RAB3B: variants seen among roughly 807,000 people sequenced by gnomAD.
The protein encoded by RAB3B is RAB3B, member RAS oncogene family.
RAB3B carries 11 observed loss-of-function variants against 20.5 expected under a neutral mutation model. The ratio of observed to expected loss-of-function variants is 0.54; its 90% confidence interval spans 0.34 to 0.89. The LOEUF is 0.89. Among genes scored for constraint, RAB3B ranks in the 40% least tolerant of loss-of-function variants. The pLI is 0.02. For missense variants in RAB3B, 225 were observed against 280.9 expected (o/e 0.80, Z 1.42); for synonymous variants, 99 against 106.3 (o/e 0.93, Z 0.42).
At chr1:51,937,156 G>A (rs1684415991) in intron 3 of RAB3B, 138 bp downstream of exon 3, 1 of 611,600 alleles carries the variant, frequency 1.6e-6, no homozygotes, top group South Asian at 1.9e-5. Context: ...TCTGTCTTCT[G>A]CTCTCGTCTG....
intron 2 of RAB3B, among the ~76,000 whole-genome samples, chr1:51,965,097 TAATCCCA>T (rs1684830635): frequency 6.6e-6 from 1 of 151,748 alleles, no homozygotes; most frequent in Admixed American, 6.6e-5. Flanking sequence ...CACACACTTG[TAATCCCA>T]GCCACTCAGG....
chr1:51,974,898 G>T (rs369959729), intron 2 of RAB3B, among the ~76,000 whole-genome samples: 3 of 152,182 alleles, frequency 2.0e-5, no homozygotes, highest in African/African-American at 7.2e-5. Flanking sequence ...CATTTAACAC[G>T]CAGAATAGAA....
chr1:51,949,174 T>C (rs1480068223), intron 2 of RAB3B, among the ~76,000 whole-genome samples: 1 of 152,256 alleles, frequency 6.6e-6, no homozygotes, highest in Admixed American at 6.5e-5. Flanking sequence ...TTGCCTTAAC[T>C]ACTTGTGGTT....
chr1:51,912,557 AT>A lies in RAB3B; in HGVS notation c.*7369del, dbSNP rs55723213. On this transcript the variant is annotated 3_prime_UTR_variant, in exon 5 of 5. Coordinates refer to ENST00000371655, the MANE Select transcript of RAB3B (RefSeq NM_002867.4). Reference sequence around the variant, plus strand: ...CCGTCTCTATTAAAAAAAAAAAAATATATATATATATATATATATATATATA... The same window carrying A: ...CCGTCTCTATTAAAAAAAAAAAAATAATATATATATATATATATATATATA... 3 of 21,618 alleles carry A rather than the reference AT, an allele frequency of 1.4e-4. No individual in the cohort carries two copies. The highest frequency in any genetic ancestry group is 6.3e-4 in the African/African-American group (3 of 4,738). 1.3% of individuals were successfully genotyped at this position (21,618 alleles called of 1,614,324 possible). A position where few individuals can be genotyped will look rare whatever the true frequency, so the allele number is the denominator to read the frequency against.
intron 3 of RAB3B, among the ~76,000 whole-genome samples, chr1:51,936,558 C>A (rs951226846): frequency 3.9e-5 from 6 of 152,188 alleles, no homozygotes; most frequent in Middle Eastern, 3.2e-3. Flanking sequence ...CACACAAAAC[C>A]CTTCATGACC....
chr1:51,956,291 A>G (rs1684705869), intron 2 of RAB3B, among the ~76,000 whole-genome samples: 5 of 152,192 alleles, frequency 3.3e-5, no homozygotes, highest in Admixed American at 2.0e-4. Context: ...GTTAACACGA[A>G]TTGAGTACTT....
chr1:51,982,583 T>A (rs1260247120), intron 1 of RAB3B, among the ~76,000 whole-genome samples: 1 of 151,954 alleles, frequency 6.6e-6, no homozygotes, highest in Non-Finnish European at 1.5e-5. Flanking sequence ...TGAAACCTCA[T>A]CTCTACTAAA....
chr1:51,980,473 A>G (rs1685072610), intron 1 of RAB3B: 1 of 662,924 alleles, frequency 1.5e-6, no homozygotes, highest in Non-Finnish European at 2.8e-6. Context: ...TGCCTCCAAG[A>G]TGACAAAGAA....
intron 2 of RAB3B, among the ~76,000 whole-genome samples, chr1:51,953,801 A>G (rs1444744649): frequency 6.6e-6 from 1 of 152,252 alleles, no homozygotes; most frequent in African/African-American, 2.4e-5. Context: ...ACTCCATCTT[A>G]AAAACAAAAA....
intron 2 of RAB3B, among the ~76,000 whole-genome samples, chr1:51,938,736 A>G (rs2124258430): frequency 1.4e-5 from 2 of 145,764 alleles, no homozygotes; most frequent in Middle Eastern, 3.8e-3. Context: ...AGTGCAGTGG[A>G]GCAATCTTGG....
At chr1:51,978,653 G>C (rs974292259) in intron 1 of RAB3B, among the ~76,000 whole-genome samples, 2 of 152,184 alleles carry the variant, frequency 1.3e-5, no homozygotes, top group Non-Finnish European at 2.9e-5. Flanking sequence ...CAGGTACCCT[G>C]CTTCTCCACC....
chr1:51,949,029 C>G (rs1394581903), intron 2 of RAB3B, among the ~76,000 whole-genome samples: 1 of 152,160 alleles, frequency 6.6e-6, no homozygotes, highest in Non-Finnish European at 1.5e-5. Context: ...TTCCCATCTC[C>G]GTCTGCTGGC....
At chr1:51,940,440 T>C (rs1416084467) in intron 2 of RAB3B, among the ~76,000 whole-genome samples, 1 of 152,072 alleles carries the variant, frequency 6.6e-6, no homozygotes, top group Non-Finnish European at 1.5e-5. Context: ...CTGGCCAATA[T>C]GGTGAAATCC....
chr1:51,928,016 G>A (rs1159216715), intron 4 of RAB3B, among the ~76,000 whole-genome samples: 4 of 152,204 alleles, frequency 2.6e-5, no homozygotes, highest in East Asian at 3.9e-4. Context: ...CTCCTCTACT[G>A]TTCCAAACAC....
intron 2 of RAB3B, among the ~76,000 whole-genome samples, chr1:51,965,143 T>C (rs563014424): frequency 1.3e-5 from 2 of 151,272 alleles, no homozygotes; most frequent in East Asian, 3.9e-4. Context: ...TACTTGAACC[T>C]GGGAGGCAGA....
In RAB3B at chr1:51,909,312, C is replaced by G. The variant is rs1319618085; in HGVS notation, c.*10615G>C. ...CTATCCCCCTAGACTCTCACAGTGGCTCCACCTTAAATGTCCACAGCATTT... is the reference window on the plus strand; with the variant it reads ...CTATCCCCCTAGACTCTCACAGTGGGTCCACCTTAAATGTCCACAGCATTT... On this transcript the variant is annotated 3_prime_UTR_variant, in exon 5 of 5. Coordinates refer to ENST00000371655, the MANE Select transcript of RAB3B (RefSeq NM_002867.4). The G allele has an allele frequency of 6.6e-6, 1 of 152,204 alleles. No individual in the cohort carries two copies. The highest frequency in any genetic ancestry group is 1.5e-5 in the Non-Finnish European group (1 of 68,028). 9.4% of individuals were successfully genotyped at this position (152,204 alleles called of 1,614,324 possible).
In RAB3B at chr1:51,908,235, C is replaced by G. The variant is rs1341264099; in HGVS notation, c.*11692G>C. On this transcript the variant is annotated 3_prime_UTR_variant, in exon 5 of 5. Coordinates refer to ENST00000371655, the MANE Select transcript of RAB3B (RefSeq NM_002867.4). ...GAAGAAGAAAAAAGCATGAGAACAT[C>G]TGCTTAGTTAGAATCTGATGAGGAG... The G allele has an allele frequency of 1.3e-5, 2 of 151,998 alleles. No individual in the cohort carries two copies. The highest frequency in any genetic ancestry group is 2.9e-5 in the Non-Finnish European group (2 of 68,014). The allele number at this position is 151,998 out of a possible 1,614,324, so 9.4% of individuals were successfully genotyped here.
chr1:51,939,989 T>C (rs186603965), intron 2 of RAB3B, among the ~76,000 whole-genome samples: 54 of 152,254 alleles, frequency 3.5e-4, no homozygotes, highest in South Asian at 3.5e-3. Context: ...ATAATAAAAA[T>C]AAATAAGGAG....
intron 2 of RAB3B, among the ~76,000 whole-genome samples, chr1:51,937,631 G>C (rs1181544334): frequency 1.3e-5 from 2 of 152,000 alleles, no homozygotes; most frequent in Non-Finnish European, 2.9e-5. Context: ...CCGAGTGGCT[G>C]GGATTACAAG....
Sources: allele counts gnomAD v4.1 joint callset (sites outside exome capture counted in the v4.1 genomes callset), GRCh38; gene constraint gnomAD v4.1.1; transcripts MANE v1.5; gene names NCBI Gene and HGNC (gene_info 2026-07-23, HGNC 2026-07-21).